Variants in GRK5 observed in about 807,000 individuals in gnomAD.
GRK5 encodes the protein G protein-coupled receptor kinase 5, also known as g protein-coupled receptor kinase GRK5.
GRK5 carries 40 observed loss-of-function variants against 78.4 expected under a neutral mutation model. The ratio of observed to expected loss-of-function variants is 0.51; its 90% CI spans 0.40 to 0.66. The LOEUF is 0.66. GRK5 is among the 30% of genes least tolerant of loss of function. The pLI is 0.00. For synonymous variants in GRK5, 289 were observed against 296.8 expected (o/e 0.97, Z 0.27); for missense variants, 598 against 759.9 (o/e 0.79, Z 2.50).
At chr10:119,279,053 A>AT (rs934681912) in intron 1 of GRK5, among the ~76,000 whole-genome samples, 10 of 150,964 alleles carry the variant, frequency 6.6e-5, no homozygotes, top group African/African-American at 1.2e-4. Flanking sequence ...AATTTTTTGT[A>AT]TTTTTTTTAG....
intron 1 of GRK5, among the ~76,000 whole-genome samples, chr10:119,261,645 C>T (rs1322604666): frequency 6.6e-6 from 1 of 151,944 alleles, no homozygotes; most frequent in Admixed American, 6.6e-5. Flanking sequence ...GTCTGCAATC[C>T]CGGCACCTCG....
chr10:119,311,647 G>A (rs1229739016), intron 1 of GRK5, among the ~76,000 whole-genome samples: 2 of 151,952 alleles, frequency 1.3e-5, no homozygotes, highest in Non-Finnish European at 2.9e-5. Flanking sequence ...TTAGCTGGGC[G>A]TGGTGGTGCA....
intron 3 of GRK5, among the ~76,000 whole-genome samples, chr10:119,389,827 CACACACACA>C (rs1851859635): frequency 6.6e-6 from 1 of 151,296 alleles, no homozygotes; most frequent in Non-Finnish European, 1.5e-5. Context: ...CACACACACA[CACACACACA>C]CCCAACACAC....
chr10:119,396,553 C>T, intron 3 of GRK5, 142 bp from the exon 4 acceptor site: 1 of 655,840 alleles, frequency 1.5e-6, no homozygotes, highest in Non-Finnish European at 2.7e-6. Flanking sequence ...GCCAGGTCTT[C>T]CCCCCCGGTT....
intron 2 of GRK5, among the ~76,000 whole-genome samples, chr10:119,329,682 A>G (rs949850091): frequency 2.0e-5 from 3 of 151,946 alleles, no homozygotes; most frequent in African/African-American, 4.8e-5. Context: ...GTGAGCCAAG[A>G]TTGCGCCATT....
At position 119,411,842 on chromosome 10, in the gene GRK5, C is replaced by CTTTTTTTTTTTTTTTTTTTT. The variant is rs10578557; in HGVS notation, c.340-11317_340-11298dup. Among the ~76,000 whole-genome samples the CTTTTTTTTTTTTTTTTTTTT allele has an allele frequency of 7.7e-4, 74 of 95,978 alleles. 10 individuals are homozygous for CTTTTTTTTTTTTTTTTTTTT. The highest frequency in any genetic ancestry group is 1.1e-3 in the Non-Finnish European group (55 of 47,848). The allele number at this position is 95,978 out of a possible 152,430, so 63.0% of individuals were successfully genotyped here. A position where few individuals can be genotyped will look rare whatever the true frequency, so the allele number is the denominator to read the frequency against. ...CCTCAGCTTCATTGCAGATCTGCTT[C>CTTTTTTTTTTTTTTTTTTTT]TTTTTTTTTTTTTTTTTTTTTTTTT... On this transcript the variant is annotated intron_variant, in intron 4 of 15. Transcript: ENST00000392870.
At chr10:119,297,326 A>AT (rs1314367530) in intron 1 of GRK5, among the ~76,000 whole-genome samples, 3 of 152,214 alleles carry the variant, frequency 2.0e-5, no homozygotes, top group Admixed American at 6.5e-5. Context: ...AGTTGTTCCC[A>AT]TTATCACTAT....
intron 1 of GRK5, among the ~76,000 whole-genome samples, chr10:119,233,402 G>A (rs36091674): frequency 0.17 from 26,568 of 151,924 alleles, 2,885 homozygotes; most frequent in African/African-American, 0.31. Flanking sequence ...CTGCTCTTCT[G>A]CTGCTGGGGT....
chr10:119,208,996 C>T (rs1253849979), intron 1 of GRK5, among the ~76,000 whole-genome samples: 1 of 151,632 alleles, frequency 6.6e-6, no homozygotes, highest in Non-Finnish European at 1.5e-5. Flanking sequence ...CACGGGAGAA[C>T]GCTTTATTTG....
At chr10:119,303,506 G>A (rs1385832819) in intron 1 of GRK5, among the ~76,000 whole-genome samples, 1 of 152,204 alleles carries the variant, frequency 6.6e-6, no homozygotes, top group Non-Finnish European at 1.5e-5. Context: ...GGGCCGGGAG[G>A]AGCTCAGAGT....
intron 2 of GRK5, among the ~76,000 whole-genome samples, chr10:119,340,748 A>G (rs1850968295): frequency 6.6e-6 from 1 of 152,232 alleles, no homozygotes; most frequent in African/African-American, 2.4e-5. Context: ...GCCTTGGGAA[A>G]GCCACTTAAC....
chr10:119,425,170 C>A, intron 6 of GRK5, 85 bp downstream of exon 6: 2 of 978,334 alleles, frequency 2.0e-6, no homozygotes, highest in South Asian at 2.6e-5. Flanking sequence ...TCAGTTACCT[C>A]CCGTGGGCTC....
chr10:119,342,417 C>G (rs188181800), intron 2 of GRK5, among the ~76,000 whole-genome samples: 10 of 152,342 alleles, frequency 6.6e-5, no homozygotes, highest in Non-Finnish European at 1.3e-4. Context: ...TTAGATTTCC[C>G]TGAACCTCAG....
intron 3 of GRK5, among the ~76,000 whole-genome samples, chr10:119,388,637 CAGTATT>C (rs1851837338): frequency 6.6e-6 from 1 of 152,210 alleles, no homozygotes; most frequent in Admixed American, 6.5e-5. Flanking sequence ...GAGGCCCACA[CAGTATT>C]AGTTCACCTC....
intron 2 of GRK5, among the ~76,000 whole-genome samples, chr10:119,367,869 T>G (rs931006859): frequency 1.3e-5 from 2 of 152,218 alleles, no homozygotes; most frequent in Non-Finnish European, 2.9e-5. Context: ...GCCTCCACCT[T>G]CCGAGGCATT....
intron 11 of GRK5, 26 bp downstream of exon 11, chr10:119,442,114 T>C (rs2275044): frequency 0.85 from 1,362,383 of 1,604,142 alleles, 582,440 homozygotes; most frequent in Non-Finnish European, 0.87. Flanking sequence ...CCTGTGTCAA[T>C]GCACCTTGAG....
At chr10:119,384,942 G>A (rs1851768978) in intron 3 of GRK5, among the ~76,000 whole-genome samples, 1 of 152,194 alleles carries the variant, frequency 6.6e-6, no homozygotes, top group African/African-American at 2.4e-5. Context: ...TGGGGAGGCT[G>A]GTTGTATCAT....
intron 1 of GRK5, among the ~76,000 whole-genome samples, chr10:119,292,940 C>T (rs1850010512): frequency 6.6e-6 from 1 of 151,716 alleles, no homozygotes; most frequent in Admixed American, 6.6e-5. Flanking sequence ...TGCGTGTTGA[C>T]TTTATGTTTT....
At chr10:119,231,565 G>A (rs1848829083) in intron 1 of GRK5, among the ~76,000 whole-genome samples, 1 of 151,724 alleles carries the variant, frequency 6.6e-6, no homozygotes. Context: ...AAATTAGCTG[G>A]GCGTGGTGGT....
Sources: allele counts gnomAD v4.1 joint callset (sites outside exome capture counted in the v4.1 genomes callset), GRCh38; gene constraint gnomAD v4.1.1; transcripts MANE v1.5; gene names NCBI Gene and HGNC (gene_info 2026-07-23, HGNC 2026-07-21).